Variants in DENND1B observed in about 807,000 individuals in gnomAD.
The protein encoded by DENND1B is DENN domain containing 1B.
Under a neutral mutation model 90.1 loss-of-function variants are expected in DENND1B, and 59 were observed. That is an observed-to-expected ratio of 0.65 (90% CI 0.53 to 0.81). DENND1B has a LOEUF of 0.81. Among genes scored for constraint, DENND1B ranks in the 40% least tolerant of loss-of-function variants. The pLI, the probability that DENND1B is intolerant of heterozygous loss-of-function variation, is 0.00. For missense variants in DENND1B, 862 were observed against 912.6 expected (o/e 0.94, Z 0.71); for synonymous variants, 337 against 324.6 (o/e 1.04, Z -0.41).
intron 2 of DENND1B, among the ~76,000 whole-genome samples, chr1:197,723,512 G>A (rs532185863): frequency 1.1e-3 from 162 of 152,120 alleles, no homozygotes; most frequent in African/African-American, 3.5e-3. Context: ...TTAATCTATC[G>A]CAAGGAACTT....
At position 197,600,499 on chromosome 1, in the gene DENND1B, G is replaced by A. The variant is rs545050320; in HGVS notation, c.922-5166C>T. On this transcript the variant is annotated intron_variant, in intron 13 of 22. Transcript: ENST00000620048. ...TACTCTACGGCAAGGTAGACAAAGA[G>A]CATACCTTAAACCTAGAGTTGGATG... Among the ~76,000 whole-genome samples the A allele has an allele frequency of 8.6e-5, 13 of 151,822 alleles. No individual in the cohort carries two copies. The East Asian group carries it at 2.3e-3, about 27-fold the overall frequency.
At chr1:197,740,569 A>G (rs1332439835) in intron 2 of DENND1B, among the ~76,000 whole-genome samples, 2 of 152,222 alleles carry the variant, frequency 1.3e-5, no homozygotes, top group East Asian at 1.9e-4. Context: ...CAAAAGGAAG[A>G]TGAAATCCTT....
chr1:197,727,337 C>A (rs962768978), intron 2 of DENND1B, among the ~76,000 whole-genome samples: 1 of 151,968 alleles, frequency 6.6e-6, no homozygotes, highest in African/African-American at 2.4e-5. Flanking sequence ...AGATTGAGAC[C>A]ATCCTGGCTA....
intron 4 of DENND1B, among the ~76,000 whole-genome samples, chr1:197,673,452 A>C (rs912885037): frequency 6.6e-6 from 1 of 152,066 alleles, no homozygotes; most frequent in East Asian, 1.9e-4. Context: ...ACATTCTTTC[A>C]AAAACCCTTC....
At chr1:197,674,000 C>G (rs1328683943) in intron 4 of DENND1B, 120 bp downstream of exon 4, 2 of 709,886 alleles carry the variant, frequency 2.8e-6, no homozygotes, top group Non-Finnish European at 4.7e-6. Flanking sequence ...CAATCTCTAG[C>G]CTTTTTGTGA....
chr1:197,592,110 A>AAC (rs1302440044), intron 14 of DENND1B, among the ~76,000 whole-genome samples: 1 of 144,444 alleles, frequency 6.9e-6, no homozygotes, highest in Non-Finnish European at 1.5e-5. Flanking sequence ...TTCCATCTCA[A>AAC]AAAAAAAAAA....
At chr1:197,569,242 T>C (rs1248899577) in intron 15 of DENND1B, among the ~76,000 whole-genome samples, 1 of 152,038 alleles carries the variant, frequency 6.6e-6, no homozygotes, top group Non-Finnish European at 1.5e-5. Flanking sequence ...GTCATACCTG[T>C]TAGGATTTTT....
chr1:197,544,837 GGAGGAAGAA>G (rs1186778998), intron 18 of DENND1B, among the ~76,000 whole-genome samples: 30 of 141,644 alleles, frequency 2.1e-4, no homozygotes, highest in South Asian at 6.9e-4. Flanking sequence ...AAGAGGAAGA[GGAGGAAGAA>G]GAGGAAGAAG....
At chr1:197,681,636 C>T (rs1035253472) in intron 3 of DENND1B, among the ~76,000 whole-genome samples, 1 of 152,104 alleles carries the variant, frequency 6.6e-6, no homozygotes, top group African/African-American at 2.4e-5. Context: ...CTAAAGATAA[C>T]CTTAGAGAAC....
chr1:197,675,043 T>C (rs1655914871), intron 3 of DENND1B, among the ~76,000 whole-genome samples: 1 of 152,056 alleles, frequency 6.6e-6, no homozygotes, highest in Non-Finnish European at 1.5e-5. Context: ...TAAAATTAAG[T>C]CTGATTCAAA....
intron 2 of DENND1B, among the ~76,000 whole-genome samples, chr1:197,764,414 T>C (rs930796979): frequency 6.6e-6 from 1 of 152,138 alleles, no homozygotes; most frequent in Non-Finnish European, 1.5e-5. Context: ...AATTGAAAAA[T>C]AAGGTCCTGT....
At chr1:197,759,462 A>G (rs920899116) in intron 2 of DENND1B, among the ~76,000 whole-genome samples, 1 of 151,438 alleles carries the variant, frequency 6.6e-6, no homozygotes, top group African/African-American at 2.4e-5. Flanking sequence ...TAAAAGTGAA[A>G]CAAGGCAAAA....
Position 197,707,535 on chromosome 1 carries a change from A to G in DENND1B, c.126+7496T>C, listed in dbSNP as rs569231518. The stretch of plus-strand genomic sequence containing the variant: ...TATCAAAATATCACATATATGTATA[A>G]TATCTATATCATTATCACCCATATA... On this transcript the variant is annotated intron_variant, in intron 3 of 22. Transcript: ENST00000620048. 2.2e-3 allele frequency among the ~76,000 whole-genome samples: 328 copies of G among 149,494 alleles called. 2 individuals carry two copies. The highest frequency in any genetic ancestry group is 4.0e-3 in the Non-Finnish European group (273 of 67,534).
At chr1:197,712,599 T>C (rs1245392044) in intron 3 of DENND1B, among the ~76,000 whole-genome samples, 4 of 6,286 alleles carry the variant, frequency 6.4e-4, no homozygotes, top group Admixed American at 2.7e-3. Flanking sequence ...GGATTAAAGA[T>C]TTAAACGTTA....
chr1:197,643,896 G>A (rs939630509), intron 9 of DENND1B, among the ~76,000 whole-genome samples: 10 of 152,088 alleles, frequency 6.6e-5, no homozygotes, highest in African/African-American at 2.4e-4. Flanking sequence ...AACTAATTAA[G>A]GGATTCAACA....
chr1:197,686,206 A>C (rs1022260027), intron 3 of DENND1B, among the ~76,000 whole-genome samples: 1 of 152,204 alleles, frequency 6.6e-6, no homozygotes, highest in Admixed American at 6.5e-5. Flanking sequence ...TCAGTTAAAA[A>C]TAAATAATTC....
At chr1:197,636,479 C>T (rs1428202189) in intron 10 of DENND1B, among the ~76,000 whole-genome samples, 1 of 152,104 alleles carries the variant, frequency 6.6e-6, no homozygotes, top group East Asian at 1.9e-4. Flanking sequence ...TGGAATCATA[C>T]AGAACTGGTT....
At chr1:197,748,683 G>GA (rs1328767701) in intron 2 of DENND1B, among the ~76,000 whole-genome samples, 2 of 152,196 alleles carry the variant, frequency 1.3e-5, no homozygotes, top group Non-Finnish European at 2.9e-5. Context: ...GCTGAAAAAG[G>GA]AAAGAAAACA....
At chr1:197,688,183 T>C (rs937061394) in intron 3 of DENND1B, among the ~76,000 whole-genome samples, 1 of 151,914 alleles carries the variant, frequency 6.6e-6, no homozygotes, top group East Asian at 1.9e-4. Flanking sequence ...CACAAATAAA[T>C]AAAAAGACAT....
Sources: gnomAD v4.1 joint callset for allele counts (sites outside exome capture counted in the v4.1 genomes callset) on GRCh38, gnomAD v4.1.1 for gene constraint, MANE v1.5 for transcripts, NCBI Gene and HGNC (gene_info 2026-07-23, HGNC 2026-07-21) for gene names.